Variants in MAML1 observed in about 807,000 individuals in gnomAD.
MAML1 encodes mastermind-like protein 1.
In MAML1, 14 loss-of-function variants were observed where a neutral mutation model predicts 77.1. The observed-to-expected ratio is 0.18, with a 90% CI of 0.12 to 0.28. The LOEUF is 0.28. Among genes scored for constraint, MAML1 ranks in the 10% least tolerant of loss-of-function variants. The probability of loss-of-function intolerance (pLI) is 1.00; values close to 1 mark genes in which losing one functional copy is unlikely to be tolerated. For synonymous variants in MAML1, 516 were observed against 551.9 expected, an observed-to-expected ratio of 0.93 and a Z score of 0.91; for missense variants, 1,217 against 1,327.8, an observed-to-expected ratio of 0.92 and a Z score of 1.30.
chr5:179,740,579 CT>C (rs1430130530), intron 1 of MAML1, among the ~76,000 whole-genome samples: 1 of 152,000 alleles, frequency 6.6e-6, no homozygotes, highest in Admixed American at 6.6e-5. Flanking sequence ...CCCGGCCGAT[CT>C]TTAAGTTTTG....
chr5:179,741,066 C>T (rs1420578257), intron 1 of MAML1, among the ~76,000 whole-genome samples: 1 of 152,156 alleles, frequency 6.6e-6, no homozygotes, highest in Non-Finnish European at 1.5e-5. Context: ...GGATATATTT[C>T]CCACATATCC....
intron 1 of MAML1, among the ~76,000 whole-genome samples, chr5:179,760,524 A>G (rs1406024945): frequency 1.3e-5 from 2 of 152,146 alleles, no homozygotes; most frequent in Non-Finnish European, 2.9e-5. Context: ...AGGGAGGGCT[A>G]TGAGGGAAGT....
At chr5:179,753,639 T>TTTATTATTA (rs1554150346) in intron 1 of MAML1, among the ~76,000 whole-genome samples, 29 of 112,516 alleles carry the variant, frequency 2.6e-4, no homozygotes, top group East Asian at 1.3e-3. Context: ...TTTGGGTTGT[T>TTTATTATTA]TTATTATTAT....
Position 179,776,598 on chromosome 5 carries a change from C to T in MAML1, c.*1721C>T. 9.1e-6 allele frequency: 9 copies of T among 985,650 alleles called. No individual in the cohort carries two copies. Among genetic ancestry groups the T allele is most frequent in the Non-Finnish European group, 1.1e-5 (9 of 829,956 alleles). 61.1% of individuals were successfully genotyped at this position (985,650 alleles called of 1,614,324 possible). On this transcript the variant is annotated 3_prime_UTR_variant, in exon 5 of 5. Coordinates refer to ENST00000292599, the MANE Select transcript of MAML1 (RefSeq NM_014757.5). ...AATTTCACCCTCTGAGGGAGTTCCC[C>T]AATCTGAAGGGGAAGAGGGTGACCT...
chr5:179,740,519 G>A (rs918899916), intron 1 of MAML1, among the ~76,000 whole-genome samples: 5 of 151,876 alleles, frequency 3.3e-5, no homozygotes, highest in Admixed American at 6.6e-5. Flanking sequence ...CTCGTGATCC[G>A]CCCATCTCGG....
chr5:179,734,677 G>A (rs1255595504), intron 1 of MAML1, among the ~76,000 whole-genome samples: 1 of 152,060 alleles, frequency 6.6e-6, no homozygotes, highest in Non-Finnish European at 1.5e-5. Flanking sequence ...TGTCGCCCAG[G>A]CTGGAGTGCA....
At position 179,755,702 on chromosome 5, in the gene MAML1, CTTT is replaced by C. The variant is rs398000090; in HGVS notation, c.316-9613_316-9611del. On this transcript the variant is annotated intron_variant, in intron 1 of 4. Coordinates refer to ENST00000292599, the MANE Select transcript of MAML1 (RefSeq NM_014757.5). Reference sequence around the variant, plus strand: ...AACACTATGAGATTTATGCATGGACCTTTTTTTTTTTTTAAGCTCATCAGCTAC... The same window carrying C: ...AACACTATGAGATTTATGCATGGACCTTTTTTTTTTAAGCTCATCAGCTAC... 2.1e-5 allele frequency among the ~76,000 whole-genome samples: 3 copies of C among 142,338 alleles called. 1 individual carries two copies. Among genetic ancestry groups the C allele is most frequent in the African/African-American group, 5.2e-5 (2 of 38,828 alleles). 93.4% of individuals were successfully genotyped at this position (142,338 alleles called of 152,430 possible).
In MAML1 at chr5:179,775,628, C is replaced by G; in HGVS notation, c.*751C>G. ...AAGGCCCCCAGGAATCCCTTCCTCC[C>G]ATGTCCTGGCAGCAGGACCCCAGGC... On this transcript the variant is annotated 3_prime_UTR_variant, in exon 5 of 5. Coordinates refer to ENST00000292599, the MANE Select transcript of MAML1 (RefSeq NM_014757.5). The G allele has an allele frequency of 1.0e-6, 1 of 985,472 alleles. No individual in the cohort carries two copies. Among genetic ancestry groups the G allele is most frequent in the African/African-American group, 1.7e-5 (1 of 57,358 alleles). The allele number at this position is 985,472 out of a possible 1,614,324, so 61.0% of individuals were successfully genotyped here. A position where few individuals can be genotyped will look rare whatever the true frequency, so the allele number is the denominator to read the frequency against.
At chr5:179,748,952 TTTTTTTTTTTTTG>T (rs200400845) in intron 1 of MAML1, among the ~76,000 whole-genome samples, 1 of 101,108 alleles carries the variant, frequency 9.9e-6, no homozygotes, top group South Asian at 3.9e-4. Flanking sequence ...GTGTTTTTGT[TTTTTTTTTTTTTG>T]TTTTTTGTTT....
In MAML1 at chr5:179,765,413, C is replaced by G; in HGVS notation, c.403C>G (p.Pro135Ala). The change falls in exon 2 of 5, where the codon CCT becomes GCT. Residue 135 changes from proline to alanine, a missense_variant. By Grantham distance (27) the Pro-to-Ala change is conservative. Around this residue, in one of 3 missense-constraint regions of MAML1, gnomAD observed 312 missense variants for 331.4 expected, o/e 0.94. Transcript: ENST00000292599. Reference sequence around the variant, plus strand: ...ACAGAATGGCTACGGGGACCTCTTTCCTGGGCATAAGAAGACTCGCCGGGA... The same window carrying G: ...ACAGAATGGCTACGGGGACCTCTTTGCTGGGCATAAGAAGACTCGCCGGGA... ...DQQNGYGDLF[P>A]GHKKTRREAP... 6.2e-7 allele frequency: 1 copy of G among 1,614,200 alleles called. No individual in the cohort carries two copies. The highest frequency in any genetic ancestry group is 8.5e-7 in the Non-Finnish European group (1 of 1,180,020).
Position 179,765,485 on chromosome 5 carries a change from T to TC in MAML1, c.481dup (p.Leu161ProfsTer5), listed in dbSNP as rs1399336991. 1 of 1,613,670 alleles carries TC rather than the reference T, an allele frequency of 6.2e-7. No individual in the cohort carries two copies. Among genetic ancestry groups the TC allele is most frequent in the Non-Finnish European group, 8.5e-7 (1 of 1,179,940 alleles). ...CTCTTCCAATGGACTGCCTCCAGCC[T>TC]CCCCCCTCGGTCAGTCTGACAAGCC... On this transcript the variant is annotated frameshift_variant, in exon 2 of 5. Coordinates refer to ENST00000292599, the MANE Select transcript of MAML1 (RefSeq NM_014757.5). LOFTEE classifies it high-confidence loss of function.
At chr5:179,738,957 T>TGG (rs1779226041) in intron 1 of MAML1, among the ~76,000 whole-genome samples, 1 of 92,888 alleles carries the variant, frequency 1.1e-5, no homozygotes, top group South Asian at 3.0e-4. Flanking sequence ...CATTGGCATC[T>TGG]TAGTCATCAT....
At chr5:179,736,955 C>T (rs1448180444) in intron 1 of MAML1, among the ~76,000 whole-genome samples, 8 of 144,464 alleles carry the variant, frequency 5.5e-5, no homozygotes, top group Non-Finnish European at 9.3e-5. Context: ...AGGGAGACTC[C>T]GTCTCAAATT....
chr5:179,752,598 CTTTTTT>C (rs1172970221), intron 1 of MAML1, among the ~76,000 whole-genome samples: 8 of 71,812 alleles, frequency 1.1e-4, no homozygotes, highest in East Asian at 3.8e-4. Flanking sequence ...ATTAGATACT[CTTTTTT>C]TTTTTTTTTT....
intron 1 of MAML1, among the ~76,000 whole-genome samples, chr5:179,762,285 G>C (rs948585571): frequency 2.0e-5 from 3 of 152,182 alleles, no homozygotes; most frequent in African/African-American, 7.2e-5. Flanking sequence ...CTGCTTAGGA[G>C]TCCAAAAGGT....
In MAML1 at chr5:179,773,995, T is replaced by C; in HGVS notation, c.2169T>C (p.Pro723=). Reference sequence around the variant, plus strand: ...CTGGGAATCTGATGCCAATGGGCCCTGGACATGCTTCAGTTTCCTCTCTCC... The same window carrying C: ...CTGGGAATCTGATGCCAATGGGCCCCGGACATGCTTCAGTTTCCTCTCTCC... ...PQAGNLMPMG[P]GHASVSSLPT... The change falls in exon 5 of 5, where the codon CCT becomes CCC. Residue 723 remains proline, a synonymous_variant. Coordinates refer to ENST00000292599, the MANE Select transcript of MAML1 (RefSeq NM_014757.5). The C allele has an allele frequency of 1.2e-6, 2 of 1,614,240 alleles. No individual in the cohort carries two copies. The highest frequency in any genetic ancestry group is 1.6e-4 in the Middle Eastern group (1 of 6,062).
chr5:179,745,676 C>T (rs1207465372), intron 1 of MAML1, among the ~76,000 whole-genome samples: 2 of 151,046 alleles, frequency 1.3e-5, no homozygotes, highest in Non-Finnish European at 2.9e-5. Context: ...CTGGCTAACA[C>T]AGTGAAACCC....
Position 179,741,981 on chromosome 5 carries a change from T to A in MAML1, c.315+8554T>A, listed in dbSNP as rs186267777. On this transcript the variant is annotated intron_variant, in intron 1 of 4. Coordinates refer to ENST00000292599, the MANE Select transcript of MAML1 (RefSeq NM_014757.5). ...GGGGTGATCTCGGCTCACTGCAACC[T>A]CCACCTCCTGGGTTCAAGCAATTTT... 1.6e-3 allele frequency among the ~76,000 whole-genome samples: 250 copies of A among 151,782 alleles called. 2 individuals carry two copies. The highest frequency in any genetic ancestry group is 5.9e-3 in the African/African-American group (244 of 41,482).
intron 4 of MAML1, among the ~76,000 whole-genome samples, chr5:179,772,800 G>T (rs1756031765): frequency 6.6e-6 from 1 of 152,126 alleles, no homozygotes; most frequent in Non-Finnish European, 1.5e-5. Context: ...CACATGGTCT[G>T]CCCTCCCTCA....
Sources: allele counts gnomAD v4.1 joint callset (sites outside exome capture counted in the v4.1 genomes callset), GRCh38; gene constraint gnomAD v4.1.1; regional missense constraint gnomAD v4.1.1; transcripts MANE v1.5; gene names NCBI Gene and HGNC (gene_info 2026-07-23, HGNC 2026-07-21).